NHSL1: variants seen among roughly 807,000 people sequenced by gnomAD.
The protein encoded by NHSL1 is NHS like 1, also known as NHS-like protein 1.
Under a neutral mutation model 95.0 loss-of-function variants are expected in NHSL1, and 48 were observed. The ratio of observed to expected loss-of-function variants is 0.51; its 90% CI spans 0.40 to 0.64. The LOEUF (loss-of-function observed/expected upper bound fraction) is 0.64. NHSL1 is among the 30% of genes least tolerant of loss of function. The pLI is 0.00. For synonymous variants in NHSL1, 783 were observed against 833.9 expected (o/e 0.94, Z 1.05); for missense variants, 1,971 against 2,077.7 (o/e 0.95, Z 1.00).
At chr6:138,639,004 T>G (rs1051558689) in intron 1 of NHSL1, among the ~76,000 whole-genome samples, 12 of 152,216 alleles carry the variant, frequency 7.9e-5, no homozygotes, top group African/African-American at 2.9e-4. Context: ...ACTTTTCTTC[T>G]TTTTTTGTAC....
chr6:138,475,292 G>A (rs892663654), intron 2 of NHSL1, among the ~76,000 whole-genome samples: 6 of 151,602 alleles, frequency 4.0e-5, no homozygotes, highest in African/African-American at 1.5e-4. Flanking sequence ...TGATGATCAC[G>A]GCTCACTTCA....
intron 1 of NHSL1, among the ~76,000 whole-genome samples, chr6:138,559,744 C>A: frequency 6.6e-6 from 1 of 152,158 alleles, no homozygotes; most frequent in East Asian, 1.9e-4. Flanking sequence ...TTTTGAGGGT[C>A]ATAAAATCAA....
chr6:138,561,328 G>A (rs78830506), intron 1 of NHSL1, among the ~76,000 whole-genome samples: 5,685 of 152,180 alleles, frequency 0.037, 342 homozygotes, highest in African/African-American at 0.13. Flanking sequence ...GCATGGAACC[G>A]GATCAGTATG....
chr6:138,500,476 C>T (rs981064673), upstream of NHSL1, among the ~76,000 whole-genome samples: 4 of 152,230 alleles, frequency 2.6e-5, no homozygotes, highest in Non-Finnish European at 5.9e-5. Flanking sequence ...AAGAATCTTC[C>T]TCACATCTCA....
intron 1 of NHSL1, among the ~76,000 whole-genome samples, chr6:138,642,836 G>T (rs758648192): frequency 6.6e-6 from 1 of 151,940 alleles, no homozygotes; most frequent in African/African-American, 2.4e-5. Flanking sequence ...TGGGTCGCTG[G>T]GGGGAGAAAA....
At position 138,596,613 on chromosome 6, in the gene NHSL1, G is replaced by A. The variant is rs138709618; in HGVS notation, c.96+95863C>T. ...TATAAAGGAGTGATACATTTGGCAAGGTAGCCAAGGTTCTTGAAAGAATCA... is the reference window on the plus strand; with the variant it reads ...TATAAAGGAGTGATACATTTGGCAAAGTAGCCAAGGTTCTTGAAAGAATCA... On this transcript the variant is annotated intron_variant, in intron 1 of 3. Transcript: ENST00000491526. Among the ~76,000 whole-genome samples, 882 of 152,300 alleles carry A rather than the reference G, an allele frequency of 5.8e-3. 4 individuals are homozygous for A. Among genetic ancestry groups the A allele is most frequent in the Middle Eastern group, 0.01 (3 of 294 alleles).
rs1421246299 is a variant in NHSL1, at chr6:138,464,099, A to C, written c.339+9207T>G. 20 of 478,424 alleles carry C rather than the reference A, an allele frequency of 4.2e-5. No individual in the cohort carries two copies. The East Asian group carries it at 7.8e-4, about 19-fold the overall frequency. 29.6% of individuals were successfully genotyped at this position (478,424 alleles called of 1,614,324 possible). ...CAAGATGGTGGCCGCGCACGAGGTC[A>C]GGTGTTCAGCTATCCTCACCGCTAT... On this transcript the variant is annotated intron_variant, in intron 3 of 7. Coordinates refer to ENST00000343505, the MANE Select transcript of NHSL1 (RefSeq NM_001144060.2).
chr6:138,556,064 A>G (rs930658129), intron 1 of NHSL1, among the ~76,000 whole-genome samples: 12 of 152,230 alleles, frequency 7.9e-5, no homozygotes, highest in African/African-American at 2.6e-4. Context: ...TCACATGTCC[A>G]ATTTAAAGAC....
intron 1 of NHSL1, among the ~76,000 whole-genome samples, chr6:138,587,407 C>T (rs1346339885): frequency 2.7e-5 from 4 of 150,872 alleles, no homozygotes; most frequent in African/African-American, 7.3e-5. Context: ...CATGGTGAAA[C>T]CCCATCTCTA....
intron 1 of NHSL1, among the ~76,000 whole-genome samples, chr6:138,542,339 A>G (rs996885551): frequency 5.9e-5 from 9 of 152,240 alleles, no homozygotes; most frequent in African/African-American, 2.2e-4. Context: ...GAACTGTGAG[A>G]GAATACATTT....
At chr6:138,682,587 T>C (rs1325217200) in intron 1 of NHSL1, among the ~76,000 whole-genome samples, 2 of 152,240 alleles carry the variant, frequency 1.3e-5, no homozygotes, top group African/African-American at 4.8e-5. Flanking sequence ...AAGGACCCTG[T>C]GTAATCCTCA....
At chr6:138,449,228 C>T (rs187239035) in intron 3 of NHSL1, among the ~76,000 whole-genome samples, 14 of 152,194 alleles carry the variant, frequency 9.2e-5, no homozygotes, top group African/African-American at 3.4e-4. Flanking sequence ...GCGATAGGGC[C>T]CTAGACTAAG....
At chr6:138,511,564 G>A (rs1781231429) in intron 1 of NHSL1, among the ~76,000 whole-genome samples, 1 of 152,054 alleles carries the variant, frequency 6.6e-6, no homozygotes, top group South Asian at 2.1e-4. Flanking sequence ...TGGGATTACA[G>A]GCATGAGCCA....
intron 1 of NHSL1, among the ~76,000 whole-genome samples, chr6:138,520,899 A>G (rs139908181): frequency 6.6e-6 from 1 of 152,322 alleles, no homozygotes; most frequent in African/African-American, 2.4e-5. Context: ...GGTGGATTGG[A>G]TATAATTTGG....
At chr6:138,525,125 A>G (rs1202298998) in intron 1 of NHSL1, among the ~76,000 whole-genome samples, 1 of 151,960 alleles carries the variant, frequency 6.6e-6, no homozygotes, top group Non-Finnish European at 1.5e-5. Flanking sequence ...TGGGCGTTGG[A>G]TTTTTTACCT....
rs1170011225 is a variant in NHSL1, at chr6:138,571,681, A to T, written c.202+29T>A. The T allele has an allele frequency of 3.2e-6, 5 of 1,545,860 alleles. No individual in the cohort carries two copies. In the East Asian group the frequency reaches 1.2e-4, roughly 38 times the overall value. ...AATTCTACATAACAAACTTTTTCAA[A>T]TGTTTAAATTTTTTAAAAATCGAGT... On this transcript the variant is annotated intron_variant, in intron 1 of 6. Coordinates refer to the NHSL1 transcript ENST00000427025.
intron 1 of NHSL1, among the ~76,000 whole-genome samples, chr6:138,526,973 T>C (rs1476686779): frequency 6.6e-6 from 1 of 152,230 alleles, no homozygotes; most frequent in Non-Finnish European, 1.5e-5. Context: ...CACCAGCATT[T>C]ATCCCGCTTC....
chr6:138,678,668 A>T (rs914782181), intron 1 of NHSL1, among the ~76,000 whole-genome samples: 1 of 152,178 alleles, frequency 6.6e-6, no homozygotes, highest in Admixed American at 6.5e-5. Context: ...TCTATCACTG[A>T]CCAGCTGTGT....
Position 138,442,023 on chromosome 6 carries a change from CTT to C in NHSL1, c.622_623del (p.Lys208AspfsTer7). 1 of 1,551,466 alleles carries C rather than the reference CTT, an allele frequency of 6.4e-7. No homozygotes were observed. Among genetic ancestry groups the C allele is most frequent in the Non-Finnish European group, 8.7e-7 (1 of 1,146,890 alleles). On this transcript the variant is annotated frameshift_variant, in exon 5 of 8. Transcript: ENST00000343505. LOFTEE classifies it high-confidence loss of function. Reference sequence around the variant, plus strand: ...TGTTGTCAGGGACTCCTGTAATAGTCTTTCTCCTTTTGACTTTCTTCGGTCGT... The same window carrying C: ...TGTTGTCAGGGACTCCTGTAATAGTCTCTCCTTTTGACTTTCTTCGGTCGT... The part of the protein sequence containing the change: ...VRRPKKVKRR[K>X]TITGVPDNIQ...
Sources: gnomAD v4.1 joint callset for allele counts (sites outside exome capture counted in the v4.1 genomes callset) on GRCh38, gnomAD v4.1.1 for gene constraint, MANE v1.5 for transcripts, NCBI Gene and HGNC (gene_info 2026-07-23, HGNC 2026-07-21) for gene names.